PIR: variants seen among roughly 807,000 people sequenced by gnomAD.
PIR encodes pirin.
In PIR, 22 loss-of-function variants were observed where a neutral mutation model predicts 24.2. That is an observed-to-expected ratio of 0.91 (90% confidence interval 0.65 to 1.30). The LOEUF (loss-of-function observed/expected upper bound fraction) is 1.30, where lower values mean the gene tolerates loss of function less well. Ranked by LOEUF, PIR falls within the 50% of genes most tolerant of loss-of-function variation. The probability of loss-of-function intolerance (pLI) is 0.00; values close to 1 mark genes in which losing one functional copy is unlikely to be tolerated. For missense variants in PIR, 220 were observed against 220.3 expected (o/e 1.00, Z 0.01); for synonymous variants, 80 against 79.6 (o/e 1.00, Z -0.03).
intron 2 of PIR, among the ~76,000 whole-genome samples, chrX:15,484,319 T>C (rs1203648423): frequency 1.1e-5 from 1 of 93,416 alleles, no homozygotes; most frequent in Non-Finnish European, 2.1e-5. Context: ...TTTTTTTTTT[T>C]TTTTTTTTTT....
intron 6 of PIR, among the ~76,000 whole-genome samples, chrX:15,410,704 C>T (rs1019679599): frequency 8.9e-6 from 1 of 112,075 alleles, no homozygotes; most frequent in African/African-American, 3.2e-5. Flanking sequence ...TATATTTTTA[C>T]TCCTTGTAAA....
intron 2 of PIR, among the ~76,000 whole-genome samples, chrX:15,482,165 T>G (rs1431011292): frequency 8.9e-6 from 1 of 112,097 alleles, no homozygotes; most frequent in Non-Finnish European, 1.9e-5. Context: ...GAATGAATAT[T>G]TGGTAGTAAC....
At chrX:15,386,514 G>T (rs891620283) in intron 9 of PIR, among the ~76,000 whole-genome samples, 1 of 112,241 alleles carries the variant, frequency 8.9e-6, no homozygotes, top group African/African-American at 3.2e-5. Flanking sequence ...TCTCCTCAAG[G>T]ATTCAAATCT....
intron 2 of PIR, among the ~76,000 whole-genome samples, chrX:15,489,390 G>C (rs1923042677): frequency 8.9e-6 from 1 of 111,755 alleles, no homozygotes; most frequent in African/African-American, 3.3e-5. Context: ...AAATTGATAG[G>C]TTTCATCAAA....
chrX:15,484,190 G>A (rs1922663345), intron 2 of PIR, among the ~76,000 whole-genome samples: 1 of 110,868 alleles, frequency 9.0e-6, no homozygotes, highest in African/African-American at 3.3e-5. Context: ...AGTAGAGGCT[G>A]GAAGTCTTGA....
intron 5 of PIR, among the ~76,000 whole-genome samples, chrX:15,447,813 T>C (rs963150921): frequency 8.9e-6 from 1 of 111,875 alleles, no homozygotes; most frequent in Non-Finnish European, 1.9e-5. Context: ...TTGATGGCCA[T>C]AGAAGTGATT....
At chrX:15,453,628 A>G (rs1218194282) in intron 5 of PIR, among the ~76,000 whole-genome samples, 1 of 112,644 alleles carries the variant, frequency 8.9e-6, no homozygotes, top group African/African-American at 3.2e-5. Flanking sequence ...AATTCACTTC[A>G]GAGATTTTAT....
intron 3 of PIR, among the ~76,000 whole-genome samples, chrX:15,473,224 G>A (rs1239655809): frequency 8.9e-6 from 1 of 111,774 alleles, no homozygotes; most frequent in Non-Finnish European, 1.9e-5. Context: ...ACAATGTCTG[G>A]AGACTTTTTT....
intron 2 of PIR, among the ~76,000 whole-genome samples, chrX:15,484,073 T>C (rs1008249375): frequency 2.7e-5 from 3 of 111,573 alleles, no homozygotes; most frequent in African/African-American, 9.8e-5. Context: ...CTTATCACCA[T>C]CCACCACCCT....
At chrX:15,443,751 G>A (rs1925997706) in intron 5 of PIR, among the ~76,000 whole-genome samples, 1 of 111,326 alleles carries the variant, frequency 9.0e-6, no homozygotes. Flanking sequence ...TTTGGTAGAA[G>A]TTGATTCCAA....
intron 6 of PIR, among the ~76,000 whole-genome samples, chrX:15,423,126 T>C (rs1050669603): frequency 2.7e-5 from 3 of 111,424 alleles, no homozygotes; most frequent in Middle Eastern, 4.2e-3. Context: ...AAAAATCAAA[T>C]CAAAATGAAT....
intron 6 of PIR, among the ~76,000 whole-genome samples, chrX:15,409,663 AT>A: frequency 9.0e-6 from 1 of 111,234 alleles, no homozygotes; most frequent in African/African-American, 3.3e-5. Flanking sequence ...TTCTACTTCT[AT>A]TTAGCCTGAC....
chrX:15,428,022 C>T (rs1434249290), intron 5 of PIR, among the ~76,000 whole-genome samples: 5 of 111,264 alleles, frequency 4.5e-5, no homozygotes, highest in Non-Finnish European at 9.4e-5. Context: ...GATTTTTTTC[C>T]TTTCCTCTGA....
chrX:15,417,534 C>A (rs1244583675), intron 6 of PIR, among the ~76,000 whole-genome samples: 1 of 111,223 alleles, frequency 9.0e-6, no homozygotes, highest in Admixed American at 9.6e-5. Flanking sequence ...GTATCAGTTT[C>A]CTATTGCTGC....
intron 6 of PIR, among the ~76,000 whole-genome samples, chrX:15,413,889 C>T (rs185327136): frequency 1.0e-3 from 116 of 111,534 alleles, no homozygotes; most frequent in African/African-American, 3.6e-3. Context: ...CTCAGGATCC[C>T]ATATTTTAAG....
intron 5 of PIR, among the ~76,000 whole-genome samples, chrX:15,448,997 C>G (rs1019011914): frequency 1.8e-5 from 2 of 112,097 alleles, no homozygotes; most frequent in Non-Finnish European, 3.8e-5. Context: ...GATGTACACA[C>G]AGCAGGTGCC....
chrX:15,410,549 T>C (rs1308348362), intron 6 of PIR, among the ~76,000 whole-genome samples: 1 of 112,203 alleles, frequency 8.9e-6, no homozygotes, highest in Non-Finnish European at 1.9e-5. Context: ...CCTGCTTTGC[T>C]TCCTGTTCAC....
At chrX:15,488,318 AAAAG>A (rs1391032601) in intron 2 of PIR, among the ~76,000 whole-genome samples, 1 of 47,489 alleles carries the variant, frequency 2.1e-5, no homozygotes, top group Non-Finnish European at 4.4e-5. Flanking sequence ...AAGAAAAAGA[AAAAG>A]AAAGAAAAGT....
rs1231755960 is a variant in PIR at position 15,426,046 on chromosome X, C to T, written c.481-56G>A. 5.3e-6 allele frequency: 4 copies of T among 761,454 alleles called. No individual in the cohort carries two copies. In the East Asian group the frequency reaches 1.3e-4, roughly 24 times the overall value. The allele number at this position is 761,454 out of a possible 1,213,427, so 62.8% of individuals were successfully genotyped here. On this transcript the variant is annotated intron_variant, in intron 5 of 9. Coordinates refer to ENST00000380420, the MANE Select transcript of PIR (RefSeq NM_001018109.3). ...TTTTCTAAGAATAAGGTTCTTCTTTCCTTCAGCTGGCCCTTCTGTAATAGG... is the reference window on the plus strand; with the variant it reads ...TTTTCTAAGAATAAGGTTCTTCTTTTCTTCAGCTGGCCCTTCTGTAATAGG...
Sources: allele counts gnomAD v4.1 joint callset (sites outside exome capture counted in the v4.1 genomes callset), GRCh38; gene constraint gnomAD v4.1.1; transcripts MANE v1.5; gene names NCBI Gene and HGNC (gene_info 2026-07-23, HGNC 2026-07-21).